The following PPP4R3A variants were observed in gnomAD, a reference collection of about 807,000 sequenced individuals.
PPP4R3A encodes serine/threonine-protein phosphatase 4 regulatory subunit 3A.
A neutral mutation model predicts 91.7 loss-of-function variants in PPP4R3A; 15 were observed. That is an observed-to-expected ratio of 0.16 (90% CI 0.11 to 0.25). PPP4R3A has a LOEUF of 0.25. Ranked by LOEUF, PPP4R3A falls within the 10% of genes least tolerant of loss-of-function variation. PPP4R3A has a pLI of 1.00. For synonymous variants in PPP4R3A, 377 were observed against 348.7 expected (o/e 1.08, Z -0.91); for missense variants, 623 against 998.4 (o/e 0.62, Z 5.07).
At chr14:91,477,673 A>T (rs1267304327) in intron 4 of PPP4R3A, among the ~76,000 whole-genome samples, 1 of 152,150 alleles carries the variant, frequency 6.6e-6, no homozygotes, top group Non-Finnish European at 1.5e-5. Context: ...TTTTTGAGAC[A>T]GAGTCTTGCT....
intron 7 of PPP4R3A, chr14:91,475,580 CAAAA>C: frequency 3.5e-6 from 1 of 288,268 alleles, no homozygotes. Flanking sequence ...CAAAACAAAA[CAAAA>C]AAAAACTGAC....
At chr14:91,476,783 T>TC (rs745827080) in intron 5 of PPP4R3A, 126 bp downstream of exon 5, 5 of 778,180 alleles carry the variant, frequency 6.4e-6, no homozygotes, top group Non-Finnish European at 1.0e-5. Context: ...GCCAGGCTGG[T>TC]CTCAAACTTC....
At chr14:91,502,926 T>TA (rs1170547698) in intron 1 of PPP4R3A, among the ~76,000 whole-genome samples, 1 of 152,224 alleles carries the variant, frequency 6.6e-6, no homozygotes, top group African/African-American at 2.4e-5. Flanking sequence ...CAAATATGAT[T>TA]ATGGCCAAAG....
At chr14:91,466,285 T>A (rs780457443) in intron 10 of PPP4R3A, 140 of 985,710 alleles carry the variant, frequency 1.4e-4, no homozygotes, top group Non-Finnish European at 1.7e-4. Context: ...TCGTCTTCGG[T>A]TGGCAAGATT....
At chr14:91,497,617 G>A (rs549572741) in intron 1 of PPP4R3A, among the ~76,000 whole-genome samples, 16 of 152,260 alleles carry the variant, frequency 1.1e-4, no homozygotes, top group Admixed American at 5.2e-4. Context: ...TAATTGATAT[G>A]TGCACTTGGA....
rs374151863 is a variant in PPP4R3A, at chr14:91,465,340, A to G, written c.1740T>C (p.Phe580=). ...TGAGAAATGCTTTCACTACTGGTTCAAACAAAAAACTTTTCATTATGTAGC... is the reference window on the plus strand; with the variant it reads ...TGAGAAATGCTTTCACTACTGGTTCGAACAAAAAACTTTTCATTATGTAGC... The part of the protein sequence containing the change: ...YNRYIMKSFL[F]EPVVKAFLNN... The change falls in exon 11 of 15, where the codon TTT becomes TTC. Residue 580 remains phenylalanine, a synonymous_variant. Transcript: ENST00000554943. 6 of 1,609,268 alleles carry G rather than the reference A, an allele frequency of 3.7e-6. No homozygotes were observed. Among genetic ancestry groups the G allele is most frequent in the Non-Finnish European group, 5.1e-6 (6 of 1,178,806 alleles).
intron 1 of PPP4R3A, among the ~76,000 whole-genome samples, chr14:91,494,788 C>T (rs909206910): frequency 6.6e-6 from 1 of 152,138 alleles, no homozygotes; most frequent in African/African-American, 2.4e-5. Flanking sequence ...ATCACTTTAA[C>T]CTGGGAGGTG....
At chr14:91,476,088 ATTC>A in intron 6 of PPP4R3A, 122 bp from the exon 7 acceptor site, 1 of 895,126 alleles carries the variant, frequency 1.1e-6, no homozygotes, top group Non-Finnish European at 1.6e-6. Context: ...GGTCAAAGAA[ATTC>A]TTCTGCATAT....
intron 9 of PPP4R3A, 148 bp from the exon 10 acceptor site, chr14:91,471,143 C>T (rs543237729): frequency 2.7e-4 from 187 of 686,246 alleles, no homozygotes; most frequent in Middle Eastern, 4.2e-4. Context: ...ATTTACTGAA[C>T]GCCTAACATG....
At position 91,462,784 on chromosome 14, in the gene PPP4R3A, G is replaced by C. The variant is rs774983570; in HGVS notation, c.1924C>G (p.Leu642Val). The C allele has an allele frequency of 2.5e-6, 4 of 1,613,366 alleles. No homozygotes were observed. Among genetic ancestry groups the C allele is most frequent in the Non-Finnish European group, 2.5e-6 (3 of 1,179,568 alleles). ...DYVQTFKGLK[L>V]RFEQQRERQD... Reference sequence around the variant, plus strand: ...CTTTCTCTTTGTTGTTCAAATCTCAGTTTTAATCCTTTAAATGTCTGTACA... The same window carrying C: ...CTTTCTCTTTGTTGTTCAAATCTCACTTTTAATCCTTTAAATGTCTGTACA... The change falls in exon 12 of 15, where the codon CTG becomes GTG. Residue 642 changes from leucine (L) to valine (V), a missense_variant. By Grantham distance (32) the Leu-to-Val change is conservative (BLOSUM62 1). Coordinates refer to ENST00000554943, the MANE Select transcript of PPP4R3A (RefSeq NM_001366432.2).
Position 91,458,828 on chromosome 14 carries a change from TTCATCATCATCA to T in PPP4R3A, c.2421_2432del (p.Asp813_Asp816del). 6.2e-7 allele frequency: 1 copy of T among 1,613,294 alleles called. No individual in the cohort carries two copies. Among genetic ancestry groups the T allele is most frequent in the Non-Finnish European group, 8.5e-7 (1 of 1,179,384 alleles). On this transcript the variant is annotated inframe_deletion, in exon 15 of 15. Transcript: ENST00000554943. ...CCTTATCTTCATCCTCATCATCATC[TTCATCATCATCA>T]GGATAATCTACCAGACCCACGAGGC... is the stretch of plus-strand genomic sequence containing the variant.
intron 4 of PPP4R3A, among the ~76,000 whole-genome samples, chr14:91,479,293 C>CGTGTGTGTGTGTGTGTGTGT (rs3029507): frequency 2.1e-5 from 3 of 144,088 alleles, no homozygotes; most frequent in Non-Finnish European, 3.0e-5. Flanking sequence ...TAAAAAACAA[C>CGTGTGTGTGTGTGTGTGTGT]GTGTGTGTGT....
intron 10 of PPP4R3A, chr14:91,466,425 G>C: frequency 1.0e-6 from 1 of 985,784 alleles, no homozygotes; most frequent in Non-Finnish European, 1.2e-6. Context: ...TTCTGGGTGG[G>C]AAGGCAGAGG....
intron 3 of PPP4R3A, among the ~76,000 whole-genome samples, chr14:91,485,423 T>C (rs896721365): frequency 6.6e-6 from 1 of 152,164 alleles, no homozygotes; most frequent in Non-Finnish European, 1.5e-5. Context: ...AAAAGGCAGG[T>C]GGATATAAAA....
intron 3 of PPP4R3A, among the ~76,000 whole-genome samples, chr14:91,485,025 T>G (rs1334576563): frequency 6.6e-6 from 1 of 152,146 alleles, no homozygotes; most frequent in Non-Finnish European, 1.5e-5. Context: ...AGTACAAGGG[T>G]GGGTTTTCTT....
intron 10 of PPP4R3A, 52 bp from the exon 11 acceptor site, chr14:91,465,471 T>C (rs937358072): frequency 1.4e-6 from 2 of 1,428,194 alleles, no homozygotes; most frequent in South Asian, 1.7e-5. Flanking sequence ...TTCCATACTT[T>C]AGACTTACCA....
chr14:91,498,770 C>T (rs1041624591), intron 1 of PPP4R3A, among the ~76,000 whole-genome samples: 8 of 151,164 alleles, frequency 5.3e-5, no homozygotes, highest in African/African-American at 7.3e-5. Flanking sequence ...AAAAATTAGC[C>T]AGGCGTGGTG....
chr14:91,474,165 T>C (rs1284825155), intron 7 of PPP4R3A, among the ~76,000 whole-genome samples: 1 of 152,212 alleles, frequency 6.6e-6, no homozygotes, highest in Non-Finnish European at 1.5e-5. Context: ...AAAATAAATT[T>C]AGGAAAAAAT....
chr14:91,466,450 A>G, intron 10 of PPP4R3A: 1 of 985,708 alleles, frequency 1.0e-6, no homozygotes, highest in South Asian at 4.7e-5. Flanking sequence ...AAGCAGCTCA[A>G]TTTTTCTTTA....
Sources: allele counts gnomAD v4.1 joint callset (sites outside exome capture counted in the v4.1 genomes callset), GRCh38; gene constraint gnomAD v4.1.1; transcripts MANE v1.5; gene names NCBI Gene and HGNC (gene_info 2026-07-23, HGNC 2026-07-21).